The following ADRA1A variants were observed in gnomAD, a reference collection of about 807,000 sequenced individuals.
ADRA1A encodes the protein alpha-1A adrenergic receptor.
Under a neutral mutation model 29.6 loss-of-function variants are expected in ADRA1A, and 31 were observed. That is an observed-to-expected ratio of 1.05 (90% CI 0.79 to 1.41). ADRA1A has a LOEUF of 1.41. Ranked by LOEUF, ADRA1A falls within the 40% of genes most tolerant of loss-of-function variation. The pLI, the probability that ADRA1A is intolerant of heterozygous loss-of-function variation, is 0.00. For missense variants in ADRA1A, 619 were observed against 601.1 expected (o/e 1.03, Z -0.31); for synonymous variants, 311 against 254.3 (o/e 1.22, Z -2.12).
chr8:26,772,950 G>A (rs1806282985), intron 2 of ADRA1A, among the ~76,000 whole-genome samples: 1 of 152,102 alleles, frequency 6.6e-6, no homozygotes, highest in South Asian at 2.1e-4. Context: ...AGCTTTTCAT[G>A]TTGTCCTATA....
At chr8:26,862,346 G>C (rs1202566799) in intron 2 of ADRA1A, among the ~76,000 whole-genome samples, 1 of 152,154 alleles carries the variant, frequency 6.6e-6, no homozygotes, top group Non-Finnish European at 1.5e-5. Flanking sequence ...ACTAAAGCAG[G>C]CCCTCATTGT....
At chr8:26,782,032 C>T (rs1268836967) in intron 2 of ADRA1A, among the ~76,000 whole-genome samples, 1 of 152,216 alleles carries the variant, frequency 6.6e-6, no homozygotes, top group Non-Finnish European at 1.5e-5. Context: ...CGGGTCCTCT[C>T]CCAGGCCACT....
At chr8:26,812,825 A>C (rs533666641) in intron 2 of ADRA1A, among the ~76,000 whole-genome samples, 96 of 151,290 alleles carry the variant, frequency 6.3e-4, no homozygotes, top group Middle Eastern at 6.8e-3. Context: ...CCACCACGCC[A>C]GGCTAATTTT....
intron 2 of ADRA1A, among the ~76,000 whole-genome samples, chr8:26,855,423 A>AG (rs1554513377): frequency 1.3e-5 from 2 of 152,020 alleles, no homozygotes; most frequent in African/African-American, 4.8e-5. Context: ...TAAAAAAAAA[A>AG]AGACAGAAAA....
At chr8:26,758,315 G>A (rs574795061) in intron 2 of ADRA1A, among the ~76,000 whole-genome samples, 7 of 152,148 alleles carry the variant, frequency 4.6e-5, no homozygotes, top group Non-Finnish European at 8.8e-5. Flanking sequence ...GTGAGATAAA[G>A]AGCAAAGGAA....
rs1813725943 is a variant in ADRA1A at position 26,864,442 on chromosome 8, G to A, written c.528C>T (p.Cys176=). 6.2e-7 allele frequency: 1 copy of A among 1,613,486 alleles called. No homozygotes were observed. The highest frequency in any genetic ancestry group is 8.5e-7 in the Non-Finnish European group (1 of 1,180,040). The stretch of plus-strand genomic sequence containing the variant: ...CGTAGCCCGGCTCCTCGTTGATCTG[G>A]CAGATGGTCTCGTCCTCGGGGGCCG... The part of the protein sequence containing the change: ...RQPAPEDETI[C]QINEEPGYVL... The change falls in exon 2 of 3, where the codon TGC becomes TGT. Residue 176 remains cysteine (C), a synonymous_variant. Transcript: ENST00000380573. The surrounding 1 kb of genome is among the most constrained non-coding windows in gnomAD (Gnocchi z 8.1).
chr8:26,850,055 A>C (rs1034709331), intron 2 of ADRA1A, among the ~76,000 whole-genome samples: 1 of 151,894 alleles, frequency 6.6e-6, no homozygotes, highest in Admixed American at 6.5e-5. Context: ...CAAAAAAAAA[A>C]CAGGGCAGGT....
At chr8:26,756,315 A>T, downstream of ADRA1A, 1 of 623,366 alleles carries the variant, frequency 1.6e-6, no homozygotes, top group Non-Finnish European at 2.3e-6. Context: ...TACATCTCTT[A>T]AGAATATTTT....
At chr8:26,756,856 C>G in intron 2 of ADRA1A, 1 of 1,565,640 alleles carries the variant, frequency 6.4e-7, no homozygotes, top group Non-Finnish European at 8.7e-7. Flanking sequence ...TCAATGTGAT[C>G]ACAATTTTAT....
At position 26,769,527 on chromosome 8, in the gene ADRA1A, G is replaced by A; in HGVS notation, c.*622C>T. 1.0e-6 allele frequency: 1 copy of A among 985,352 alleles called. No homozygotes were observed. Among genetic ancestry groups the A allele is most frequent in the Non-Finnish European group, 1.2e-6 (1 of 829,916 alleles). 61.0% of individuals were successfully genotyped at this position (985,352 alleles called of 1,614,324 possible). On this transcript the variant is annotated 3_prime_UTR_variant, in exon 3 of 3. Transcript: ENST00000380573. ...TGAGTGCCCCTCACTCTCATCTTTG[G>A]GAAATGAGGAGCAGCATCCATTCAA...
chr8:26,821,026 G>A lies in ADRA1A; in HGVS notation c.883+43061C>T, dbSNP rs568215994. Reference sequence around the variant, plus strand: ...TGCCTCAGCCTCCTAGAGTAGCTAGGATTACAGGCAGGTGCCACCACACCT... The same window carrying A: ...TGCCTCAGCCTCCTAGAGTAGCTAGAATTACAGGCAGGTGCCACCACACCT... On this transcript the variant is annotated intron_variant, in intron 2 of 2. Transcript: ENST00000380573. The surrounding 1 kb of genome is among the most constrained non-coding windows in gnomAD (Gnocchi z 5.6). 1.3e-5 allele frequency among the ~76,000 whole-genome samples: 2 copies of A among 152,146 alleles called. No homozygotes were observed. The highest frequency in any genetic ancestry group is 4.2e-4 in the South Asian group (2 of 4,806).
chr8:26,748,437 A>C (rs1804782088), exon 3 of ADRA1A: 1 of 187,162 alleles, frequency 5.3e-6, no homozygotes, highest in South Asian at 8.3e-5. Flanking sequence ...CTGTTAAAAA[A>C]GATAAAAAAA....
chr8:26,865,942 A>C lies in ADRA1A; in HGVS notation c.-686-287T>G, dbSNP rs1375937695. On this transcript the variant is annotated intron_variant, in intron 1 of 2. Coordinates refer to ENST00000380573, the MANE Select transcript of ADRA1A (RefSeq NM_000680.4). This position sits in a 1 kb window ranked among gnomAD's most constrained non-coding sequence, Gnocchi z 7.6. ...CCAAAACCCCAGGCTCCAGCGCTCG[A>C]AGTCTGGATTTCGAGCGCAGGTACC... 6.6e-6 allele frequency among the ~76,000 whole-genome samples: 1 copy of C among 152,122 alleles called. No homozygotes were observed. The highest frequency in any genetic ancestry group is 1.5e-5 in the Non-Finnish European group (1 of 68,012).
intron 2 of ADRA1A, among the ~76,000 whole-genome samples, chr8:26,822,902 C>T (rs533139711): frequency 6.6e-6 from 1 of 152,188 alleles, no homozygotes; most frequent in South Asian, 2.1e-4. Context: ...TTTTAATAAA[C>T]AAATCTCATG....
intron 2 of ADRA1A, among the ~76,000 whole-genome samples, chr8:26,852,236 A>G (rs2130748517): frequency 6.6e-6 from 1 of 152,342 alleles, no homozygotes; most frequent in South Asian, 2.1e-4. Context: ...ATAAGGGAAG[A>G]AACTAAACTT....
At chr8:26,791,006 T>G (rs757214528) in intron 2 of ADRA1A, among the ~76,000 whole-genome samples, 8 of 151,744 alleles carry the variant, frequency 5.3e-5, no homozygotes, top group Non-Finnish European at 8.8e-5. Context: ...ATACACACAC[T>G]CACACACACA....
intron 2 of ADRA1A, among the ~76,000 whole-genome samples, chr8:26,794,498 C>T (rs1808057222): frequency 2.0e-5 from 3 of 152,030 alleles, no homozygotes; most frequent in Non-Finnish European, 4.4e-5. Flanking sequence ...TTCAGTTCTG[C>T]CACTGTAGCT....
chr8:26,797,448 C>T (rs1195087065), intron 2 of ADRA1A, among the ~76,000 whole-genome samples: 6 of 151,974 alleles, frequency 3.9e-5, no homozygotes, highest in South Asian at 2.1e-4. Context: ...AGGCATGAGC[C>T]ACCATGCCTG....
downstream of ADRA1A, among the ~76,000 whole-genome samples, chr8:26,768,254 C>T (rs988459771): frequency 5.9e-5 from 9 of 152,122 alleles, no homozygotes; most frequent in South Asian, 2.1e-4. Context: ...ATGTTGAGGC[C>T]GCTACTCTTG....
Sources: allele counts gnomAD v4.1 joint callset (sites outside exome capture counted in the v4.1 genomes callset), GRCh38; gene constraint gnomAD v4.1.1; non-coding constraint Gnocchi (gnomAD v3.1); transcripts MANE v1.5; gene names NCBI Gene and HGNC (gene_info 2026-07-23, HGNC 2026-07-21).